IMPG1: variants seen among roughly 807,000 people sequenced by gnomAD.
IMPG1 encodes interphotoreceptor matrix proteoglycan of 150 kDa.
Under a neutral mutation model 92.0 loss-of-function variants are expected in IMPG1, and 85 were observed. The ratio of observed to expected loss-of-function variants is 0.92; its 90% CI spans 0.78 to 1.11. IMPG1 has a LOEUF of 1.11. Ranked by LOEUF, IMPG1 falls within the 50% of genes least tolerant of loss-of-function variation. The probability of loss-of-function intolerance (pLI) is 0.00; values close to 1 mark genes in which losing one functional copy is unlikely to be tolerated. For synonymous variants in IMPG1, 367 were observed against 334.1 expected, an observed-to-expected ratio of 1.10 and a Z score of -1.08; for missense variants, 1,022 against 956.0, an observed-to-expected ratio of 1.07 and a Z score of -0.91.
intron 12 of IMPG1, among the ~76,000 whole-genome samples, chr6:75,976,110 A>T (rs964340408): frequency 6.6e-6 from 1 of 152,144 alleles, no homozygotes; most frequent in Non-Finnish European, 1.5e-5. Context: ...ATAACATCTT[A>T]TTGGTTTCCT....
intron 12 of IMPG1, among the ~76,000 whole-genome samples, chr6:75,990,957 G>A (rs1002354884): frequency 6.6e-6 from 1 of 152,150 alleles, no homozygotes; most frequent in African/African-American, 2.4e-5. Context: ...TGATTAAAAT[G>A]CTGATCACAT....
At chr6:76,005,621 G>A (rs1203532456) in intron 9 of IMPG1, 87 bp from the exon 10 acceptor site, 2 of 1,416,758 alleles carry the variant, frequency 1.4e-6, no homozygotes, top group Non-Finnish European at 1.9e-6. Context: ...CAAAGCTTCA[G>A]GATAGCTTCC....
At chr6:75,966,100 A>T (rs891551267) in intron 12 of IMPG1, among the ~76,000 whole-genome samples, 2 of 152,188 alleles carry the variant, frequency 1.3e-5, no homozygotes, top group Non-Finnish European at 2.9e-5. Flanking sequence ...TAAGGTTCCT[A>T]GTTAGTCCAT....
chr6:75,996,270 C>T (rs1582093008), intron 12 of IMPG1, among the ~76,000 whole-genome samples: 1 of 152,044 alleles, frequency 6.6e-6, no homozygotes, highest in Non-Finnish European at 1.5e-5. Context: ...GAGAACTCTC[C>T]TGAGAAAGAA....
rs2127596141 is a variant in IMPG1 at position 76,051,152 on chromosome 6, T to G, written c.68-9026A>C. On this transcript the variant is annotated intron_variant, in intron 1 of 16. Transcript: ENST00000369950. ...TAATCTTTCCCAAATTTTTCTAACC[T>G]TACTAAAAAAAGTGAGGGACTATGG... Among the ~76,000 whole-genome samples, 4 of 152,258 alleles carry G rather than the reference T, an allele frequency of 2.6e-5. No individual in the cohort carries two copies. In the South Asian group the frequency reaches 8.3e-4, roughly 32 times the overall value.
Position 75,921,221 on chromosome 6 carries a change from T to G in IMPG1, c.*868A>C, listed in dbSNP as rs1781421218. On this transcript the variant is annotated 3_prime_UTR_variant, in exon 17 of 17. Coordinates refer to ENST00000369950, the MANE Select transcript of IMPG1 (RefSeq NM_001563.4). ...AGATTCATTTTCATTAAGCAGCACATAAAAAATGGACTGAATTGGATTACA... is the reference window on the plus strand; with the variant it reads ...AGATTCATTTTCATTAAGCAGCACAGAAAAAATGGACTGAATTGGATTACA... 6.6e-6 allele frequency: 1 copy of G among 152,108 alleles called. No individual in the cohort carries two copies. Among genetic ancestry groups the G allele is most frequent in the Non-Finnish European group, 1.5e-5 (1 of 68,012 alleles). The allele number at this position is 152,108 out of a possible 1,614,324, so 9.4% of individuals were successfully genotyped here.
At chr6:76,069,238 A>G (rs1327744543) in intron 1 of IMPG1, among the ~76,000 whole-genome samples, 1 of 152,156 alleles carries the variant, frequency 6.6e-6, no homozygotes, top group Admixed American at 6.6e-5. Flanking sequence ...GAGATAAAAG[A>G]CTTAAACATG....
chr6:76,065,295 T>C (rs1352390526), intron 1 of IMPG1, among the ~76,000 whole-genome samples: 1 of 151,944 alleles, frequency 6.6e-6, no homozygotes, highest in Non-Finnish European at 1.5e-5. Flanking sequence ...TTAAAGAAGC[T>C]TAATGAGCTC....
At chr6:76,064,460 G>A (rs1784272706) in intron 1 of IMPG1, among the ~76,000 whole-genome samples, 2 of 151,570 alleles carry the variant, frequency 1.3e-5, no homozygotes, top group African/African-American at 4.9e-5. Context: ...TGAGAGCTGG[G>A]CCAGGAATAT....
At chr6:76,059,105 A>T (rs1784164576) in intron 1 of IMPG1, among the ~76,000 whole-genome samples, 1 of 152,162 alleles carries the variant, frequency 6.6e-6, no homozygotes, top group South Asian at 2.1e-4. Context: ...CAGGGAAATT[A>T]TTGAAAAGGG....
intron 7 of IMPG1, among the ~76,000 whole-genome samples, chr6:76,016,928 C>T (rs17194750): frequency 0.085 from 12,881 of 152,134 alleles, 714 homozygotes; most frequent in South Asian, 0.12. Flanking sequence ...GTAGAGATAG[C>T]AAAGGCCATA....
At chr6:75,964,157 T>C (rs1398620970) in intron 12 of IMPG1, among the ~76,000 whole-genome samples, 1 of 152,202 alleles carries the variant, frequency 6.6e-6, no homozygotes, top group African/African-American at 2.4e-5. Context: ...CATATAGTTC[T>C]GGGCATTAAA....
chr6:75,936,379 C>T (rs1040708708), intron 14 of IMPG1, among the ~76,000 whole-genome samples: 1 of 152,122 alleles, frequency 6.6e-6, no homozygotes, highest in Non-Finnish European at 1.5e-5. Context: ...TTTTGTTGAT[C>T]GCTTATTTTA....
intron 1 of IMPG1, among the ~76,000 whole-genome samples, chr6:76,068,242 G>A (rs954648251): frequency 3.9e-5 from 6 of 152,090 alleles, no homozygotes; most frequent in South Asian, 2.1e-4. Flanking sequence ...AGAAGGAGTC[G>A]AATTATCTGT....
intron 14 of IMPG1, among the ~76,000 whole-genome samples, chr6:75,943,559 A>T (rs1476953577): frequency 6.6e-6 from 1 of 152,238 alleles, no homozygotes; most frequent in Non-Finnish European, 1.5e-5. Context: ...TGCCTGCGGA[A>T]AGATGAGCCA....
chr6:75,944,853 C>G (rs527549871), intron 14 of IMPG1, among the ~76,000 whole-genome samples: 3 of 152,350 alleles, frequency 2.0e-5, no homozygotes, highest in South Asian at 4.1e-4. Context: ...CAGGGTTGAA[C>G]TACCTCTGGA....
At chr6:75,923,079 C>T (rs932200599) in intron 16 of IMPG1, among the ~76,000 whole-genome samples, 3 of 151,894 alleles carry the variant, frequency 2.0e-5, no homozygotes, top group Non-Finnish European at 4.4e-5. Flanking sequence ...ATATAAATTG[C>T]TTATAGACAA....
At chr6:76,026,712 T>A (rs74999646) in intron 4 of IMPG1, among the ~76,000 whole-genome samples, 1,650 of 152,354 alleles carry the variant, frequency 0.011, 34 homozygotes, top group African/African-American at 0.038. Context: ...TTTAAATGTT[T>A]TTTTTTCTTT....
chr6:75,990,354 G>T (rs1196597973), intron 12 of IMPG1, among the ~76,000 whole-genome samples: 1 of 152,122 alleles, frequency 6.6e-6, no homozygotes, highest in Non-Finnish European at 1.5e-5. Flanking sequence ...TGCCGTGGAA[G>T]AAAAATAGAA....
Sources: gnomAD v4.1 joint callset for allele counts (sites outside exome capture counted in the v4.1 genomes callset) on GRCh38, gnomAD v4.1.1 for gene constraint, MANE v1.5 for transcripts, NCBI Gene and HGNC (gene_info 2026-07-23, HGNC 2026-07-21) for gene names.